Variants in PCLO observed in about 807,000 individuals in gnomAD.
PCLO encodes protein piccolo.
In PCLO, 82 loss-of-function variants were observed where a neutral mutation model predicts 427.5. The observed-to-expected ratio is 0.19, with a 90% CI of 0.16 to 0.23. The LOEUF (loss-of-function observed/expected upper bound fraction) is 0.23, where lower values mean the gene tolerates loss of function less well. Among genes scored for constraint, PCLO ranks in the 10% least tolerant of loss-of-function variants. PCLO has a pLI of 1.00. For missense variants in PCLO, 6,239 were observed against 6,115.9 expected, an observed-to-expected ratio of 1.02 and a Z score of -0.67; for synonymous variants, 2,357 against 2,155.4, an observed-to-expected ratio of 1.09 and a Z score of -2.59.
intron 3 of PCLO, among the ~76,000 whole-genome samples, chr7:82,975,582 A>G: frequency 6.6e-6 from 1 of 152,162 alleles, no homozygotes; most frequent in Middle Eastern, 3.2e-3. Context: ...TGCAGGGAAG[A>G]ATCAGTATAT....
intron 10 of PCLO, among the ~76,000 whole-genome samples, chr7:82,858,846 T>C (rs910742615): frequency 1.3e-5 from 2 of 152,120 alleles, no homozygotes; most frequent in African/African-American, 4.8e-5. Context: ...ACTATGCGCC[T>C]ATGGATCAGA....
chr7:83,005,131 T>C lies in PCLO; in HGVS notation c.3301-38644A>G, dbSNP rs570619680. The stretch of plus-strand genomic sequence containing the variant: ...AAAAATTTAGAAAAGAACTACCATA[T>C]GATCCAGCAATGCAGCTTTTGGGTA... On this transcript the variant is annotated intron_variant, in intron 3 of 24. Transcript: ENST00000333891. 4.0e-5 allele frequency among the ~76,000 whole-genome samples: 6 copies of C among 151,718 alleles called. No individual in the cohort carries two copies. In the East Asian group the frequency reaches 1.2e-3, roughly 29 times the overall value.
At chr7:82,861,486 C>A (rs1792954672) in intron 10 of PCLO, among the ~76,000 whole-genome samples, 1 of 151,938 alleles carries the variant, frequency 6.6e-6, no homozygotes, top group Non-Finnish European at 1.5e-5. Context: ...CACTGGATTA[C>A]CCAGATATGT....
chr7:82,818,517 T>A (rs981527491), intron 20 of PCLO, among the ~76,000 whole-genome samples: 7 of 152,156 alleles, frequency 4.6e-5, no homozygotes, highest in Admixed American at 2.6e-4. Context: ...ATAAATGGAA[T>A]TCCGCCATCA....
chr7:83,090,073 G>A (rs1790339721), intron 3 of PCLO, among the ~76,000 whole-genome samples: 1 of 152,154 alleles, frequency 6.6e-6, no homozygotes, highest in South Asian at 2.1e-4. Context: ...GGGAGGCCGA[G>A]GTGGACGGAT....
At chr7:82,876,757 A>G (rs1357147896) in intron 10 of PCLO, among the ~76,000 whole-genome samples, 1 of 152,124 alleles carries the variant, frequency 6.6e-6, no homozygotes, top group Non-Finnish European at 1.5e-5. Context: ...AGTATCGTGA[A>G]TCTAATAGAA....
intron 3 of PCLO, among the ~76,000 whole-genome samples, chr7:83,082,066 T>C (rs1332216304): frequency 6.6e-6 from 1 of 151,528 alleles, no homozygotes; most frequent in Admixed American, 6.6e-5. Flanking sequence ...TTTAAGGTAG[T>C]AATTTCCTAA....
At chr7:82,831,750 G>C (rs1275497850) in intron 16 of PCLO, among the ~76,000 whole-genome samples, 1 of 152,116 alleles carries the variant, frequency 6.6e-6, no homozygotes, top group African/African-American at 2.4e-5. Flanking sequence ...AGTAAAAACA[G>C]CTTGCTCCTA....
rs765699939 is a variant in PCLO at position 82,955,472 on chromosome 7, A to C, written c.5481T>G (p.Pro1827=). The C allele has an allele frequency of 6.2e-7, 1 of 1,613,574 alleles. No individual in the cohort carries two copies. The highest frequency in any genetic ancestry group is 8.5e-7 in the Non-Finnish European group (1 of 1,179,824). The part of the protein sequence containing the change: ...QRRRERPKTP[P]SNLSPIEDAS... Reference sequence around the variant, plus strand: ...CATCTTCAATGGGAGAGAGATTACTAGGTGGTGTCTTTGGCCTTTCCCTTC... The same window carrying C: ...CATCTTCAATGGGAGAGAGATTACTCGGTGGTGTCTTTGGCCTTTCCCTTC... Residue 1827 remains proline (P), a synonymous_variant, in exon 5 of 25, where the codon CCT becomes CCG. Coordinates refer to ENST00000333891, the MANE Select transcript of PCLO (RefSeq NM_033026.6).
chr7:82,759,950 C>T (rs1386392189), intron 24 of PCLO, among the ~76,000 whole-genome samples: 1 of 151,872 alleles, frequency 6.6e-6, no homozygotes, highest in Non-Finnish European at 1.5e-5. Context: ...AAGCAAAATG[C>T]TTTGTGAATA....
In PCLO at chr7:82,951,950, T is replaced by G. The variant is rs761923706; in HGVS notation, c.9003A>C (p.Glu3001Asp). 104 of 1,613,826 alleles carry G rather than the reference T, an allele frequency of 6.4e-5. No homozygotes were observed. Residue 3001 changes from glutamate to aspartate, a missense_variant, in exon 5 of 25, where the codon GAA becomes GAC. Physicochemically the swap from Glu to Asp is conservative, Grantham distance 45 (BLOSUM62 2). Around this residue, in one of 5 missense-constraint regions of PCLO, gnomAD observed 4,677 missense variants for 4,468.4 expected, o/e 1.05. Transcript: ENST00000333891. ...TACTTTTATAGAAAAAATGTCCAGC[T>G]TCTGCTAAATTTGTGTCAGACATGG... Reference protein sequence around the residue: ...KPSMSDTNLAEAGHFFYKSKN... With the variant: ...KPSMSDTNLADAGHFFYKSKN...
Position 82,916,672 on chromosome 7 carries a change from G to C in PCLO, c.11314C>G (p.Leu3772Val), listed in dbSNP as rs1185049924. 3 of 1,613,468 alleles carry C rather than the reference G, an allele frequency of 1.9e-6. No homozygotes were observed. Among genetic ancestry groups the C allele is most frequent in the Admixed American group, 3.3e-5 (2 of 59,922 alleles). The change falls in exon 7 of 25, where the codon CTT (leucine) becomes GTT (valine). Residue 3772 changes from leucine (L) to valine (V), a missense_variant. Physicochemically the swap from Leu to Val is conservative, Grantham distance 32 (BLOSUM62 1). Transcript: ENST00000333891. ...ILQDIDRELD[L>V]VERESAKLRK... is the part of the protein sequence containing the mutation. Reference sequence around the variant, plus strand: ...AGTTTTGCAGACTCCCTTTCCACAAGATCAAGCTCTCTGTCTATGTCCTGG... The same window carrying C: ...AGTTTTGCAGACTCCCTTTCCACAACATCAAGCTCTCTGTCTATGTCCTGG...
chr7:82,993,606 T>G (rs1562904945), intron 3 of PCLO, among the ~76,000 whole-genome samples: 1 of 151,294 alleles, frequency 6.6e-6, no homozygotes, highest in South Asian at 2.1e-4. Flanking sequence ...AATTAAGGCA[T>G]GTATATTTTT....
rs984744910 is a variant in PCLO, at chr7:83,052,960, C to T, written c.3300+81290G>A. ...TACTTCTTATTCATCCTCTACACTG[C>T]TGTCTGAATAATTTTTTAAAAGCCA... On this transcript the variant is annotated intron_variant, in intron 3 of 24. Coordinates refer to ENST00000333891, the MANE Select transcript of PCLO (RefSeq NM_033026.6). Among the ~76,000 whole-genome samples, 2 of 151,952 alleles carry T rather than the reference C, an allele frequency of 1.3e-5. 1 individual carries two copies. The highest frequency in any genetic ancestry group is 1.3e-4 in the Admixed American group (2 of 15,248).
At chr7:82,777,971 G>C (rs781039203) in intron 22 of PCLO, among the ~76,000 whole-genome samples, 2 of 152,048 alleles carry the variant, frequency 1.3e-5, no homozygotes, top group Non-Finnish European at 2.9e-5. Context: ...AGAGGAAACA[G>C]ACAAACTACA....
intron 2 of PCLO, among the ~76,000 whole-genome samples, chr7:83,154,102 C>T (rs1206203971): frequency 6.6e-6 from 1 of 152,086 alleles, no homozygotes; most frequent in Non-Finnish European, 1.5e-5. Context: ...CCCAGCTAAC[C>T]CTTGGAAACA....
At chr7:82,934,962 T>G (rs1794916887) in intron 6 of PCLO, among the ~76,000 whole-genome samples, 1 of 151,324 alleles carries the variant, frequency 6.6e-6, no homozygotes, top group African/African-American at 2.4e-5. Context: ...TTCCTTTTGA[T>G]TAGAAAGTCT....
chr7:82,881,376 C>T (rs1793505181), intron 9 of PCLO, among the ~76,000 whole-genome samples: 2 of 152,140 alleles, frequency 1.3e-5, no homozygotes, highest in Admixed American at 1.3e-4. Flanking sequence ...CCTTCTAAAA[C>T]CCTCTGGTAA....
chr7:82,889,757 G>A (rs959639583), intron 9 of PCLO, among the ~76,000 whole-genome samples: 7 of 152,000 alleles, frequency 4.6e-5, no homozygotes, highest in African/African-American at 7.2e-5. Context: ...ATAATTAAAC[G>A]TCTGTACAAT....
Sources: gnomAD v4.1 joint callset for allele counts (sites outside exome capture counted in the v4.1 genomes callset) on GRCh38, gnomAD v4.1.1 for gene constraint, gnomAD v4.1.1 regional missense constraint, MANE v1.5 for transcripts, NCBI Gene and HGNC (gene_info 2026-07-23, HGNC 2026-07-21) for gene names.